ZNF644: variants seen among roughly 807,000 people sequenced by gnomAD.
ZNF644 encodes zinc finger protein 644.
A neutral mutation model predicts 108.0 loss-of-function variants in ZNF644; 20 were observed. The ratio of observed to expected loss-of-function variants is 0.19; its 90% CI spans 0.13 to 0.27. ZNF644 has a LOEUF of 0.27. ZNF644 is among the 10% of genes least tolerant of loss of function. The pLI, the probability that ZNF644 is intolerant of heterozygous loss-of-function variation, is 1.00. For missense variants in ZNF644, 1,338 were observed against 1,548.9 expected (o/e 0.86, Z 2.29); for synonymous variants, 542 against 539.1 (o/e 1.01, Z -0.08).
At chr1:90,995,063 A>G (rs999504742) in intron 1 of ZNF644, among the ~76,000 whole-genome samples, 8 of 152,326 alleles carry the variant, frequency 5.3e-5, no homozygotes, top group Admixed American at 5.2e-4. Flanking sequence ...ATATGCAAAG[A>G]AAGAGGAAAA....
At chr1:90,978,402 T>C (rs1414989889) in intron 2 of ZNF644, among the ~76,000 whole-genome samples, 1 of 149,260 alleles carries the variant, frequency 6.7e-6, no homozygotes, top group Non-Finnish European at 1.5e-5. Flanking sequence ...TACTTGGCAA[T>C]ACAGCTGGAA....
At position 90,954,524 on chromosome 1, in the gene ZNF644, A is replaced by G. The variant is rs556017871; in HGVS notation, c.45-13215T>C. 3.6e-3 allele frequency among the ~76,000 whole-genome samples: 554 copies of G among 152,146 alleles called. 6 individuals carry two copies. Among genetic ancestry groups the G allele is most frequent in the African/African-American group, 0.013 (531 of 41,508 alleles). On this transcript the variant is annotated intron_variant, in intron 2 of 5. Transcript: ENST00000337393. ...CAGGTTCAAGCAATTCTCCTGGCTCAGCCTCCTGAGTATCTGGGATTACAG... is the reference window on the plus strand; with the variant it reads ...CAGGTTCAAGCAATTCTCCTGGCTCGGCCTCCTGAGTATCTGGGATTACAG...
chr1:90,960,482 G>T (rs1654225014), intron 2 of ZNF644, among the ~76,000 whole-genome samples: 1 of 152,124 alleles, frequency 6.6e-6, no homozygotes, highest in Non-Finnish European at 1.5e-5. Flanking sequence ...GTCTTCAAAT[G>T]TACACTCTAT....
At position 91,022,034 on chromosome 1, in the gene ZNF644, G is replaced by A. The variant is rs887246384; in HGVS notation, c.-62C>T. On this transcript the variant is annotated 5_prime_UTR_variant, in exon 1 of 6. Coordinates refer to ENST00000337393, the MANE Select transcript of ZNF644 (RefSeq NM_201269.3). ...CAAACCGGGGCGACGTTGGGAGCAC[G>A]CGGCGTCCCCGCGTCACACGCCGCT... 5.0e-6 allele frequency: 2 copies of A among 398,708 alleles called. No individual in the cohort carries two copies. The highest frequency in any genetic ancestry group is 8.9e-6 in the Non-Finnish European group (2 of 225,948). 24.7% of individuals were successfully genotyped at this position (398,708 alleles called of 1,614,324 possible).
intron 1 of ZNF644, among the ~76,000 whole-genome samples, chr1:90,999,290 C>G (rs895363460): frequency 5.3e-5 from 8 of 152,134 alleles, no homozygotes; most frequent in African/African-American, 7.2e-5. Context: ...GGCAGCCAGA[C>G]AGAAAGGTCA....
chr1:90,974,153 T>C (rs1036930334), intron 2 of ZNF644, among the ~76,000 whole-genome samples: 1 of 151,992 alleles, frequency 6.6e-6, no homozygotes, highest in African/African-American at 2.4e-5. Context: ...CTAATCATAC[T>C]CCTGCATGAC....
chr1:90,927,918 A>G (rs909299618), intron 4 of ZNF644, among the ~76,000 whole-genome samples: 3 of 151,212 alleles, frequency 2.0e-5, no homozygotes, highest in African/African-American at 7.3e-5. Flanking sequence ...ATCTCAGCTC[A>G]CTGCAATCTC....
intron 1 of ZNF644, among the ~76,000 whole-genome samples, chr1:90,999,610 A>T (rs1352797280): frequency 1.3e-5 from 2 of 152,300 alleles, no homozygotes; most frequent in Middle Eastern, 3.4e-3. Flanking sequence ...CCATCGATGC[A>T]AGGAAGAAAC....
At chr1:90,930,861 C>T (rs1467593423) in intron 4 of ZNF644, among the ~76,000 whole-genome samples, 1 of 152,164 alleles carries the variant, frequency 6.6e-6, no homozygotes, top group Non-Finnish European at 1.5e-5. Flanking sequence ...TCTGACAGAT[C>T]TACTTCCTTT....
chr1:90,997,126 C>T (rs932596618), intron 1 of ZNF644, among the ~76,000 whole-genome samples: 2 of 152,170 alleles, frequency 1.3e-5, no homozygotes, highest in East Asian at 3.8e-4. Context: ...AAAGCTCCAA[C>T]ATATTCCTGA....
rs200762360 is a variant in ZNF644, at chr1:90,939,660, T to C, written c.1694A>G (p.Lys565Arg). ...PMVTSDIAQRKTQKKTFMKDS... is the reference protein window; with the variant it reads ...PMVTSDIAQRRTQKKTFMKDS... The stretch of plus-strand genomic sequence containing the variant: ...TTTCATGAAAGTCTTTTTTTGTGTT[T>C]TTCTCTGGGCAATATCAGAAGTGAC... The change falls in exon 3 of 6, where the codon AAA becomes AGA. Residue 565 changes from lysine to arginine, a missense_variant. Physicochemically the swap from Lys to Arg is conservative, Grantham distance 26. Coordinates refer to ENST00000337393, the MANE Select transcript of ZNF644 (RefSeq NM_201269.3). The C allele has an allele frequency of 2.1e-4, 343 of 1,613,920 alleles. No individual in the cohort carries two copies. Among genetic ancestry groups the C allele is most frequent in the Non-Finnish European group, 2.7e-4 (318 of 1,179,954 alleles).
At position 90,993,268 on chromosome 1, in the gene ZNF644, C is replaced by T. The variant is rs533584205; in HGVS notation, c.-17-10898G>A. ...CTTCAGAATGGGAGGGTATCCCAGA[C>T]GTCACAGCACATCCTAGACCAAACT... is the stretch of plus-strand genomic sequence containing the variant. On this transcript the variant is annotated intron_variant, in intron 1 of 5. Coordinates refer to ENST00000337393, the MANE Select transcript of ZNF644 (RefSeq NM_201269.3). Among the ~76,000 whole-genome samples, 10 of 151,860 alleles carry T rather than the reference C, an allele frequency of 6.6e-5. No individual in the cohort carries two copies. The South Asian group carries it at 8.3e-4, about 13-fold the overall frequency.
chr1:91,006,593 C>G (rs1444313641), intron 1 of ZNF644, among the ~76,000 whole-genome samples: 1 of 152,134 alleles, frequency 6.6e-6, no homozygotes, highest in Non-Finnish European at 1.5e-5. Flanking sequence ...AGAAAACTAC[C>G]AACAAATATC....
At chr1:91,012,114 A>T (rs572985235) in intron 1 of ZNF644, among the ~76,000 whole-genome samples, 1 of 152,128 alleles carries the variant, frequency 6.6e-6, no homozygotes, top group African/African-American at 2.4e-5. Flanking sequence ...ACTGGGGGGA[A>T]AAAAGGGCCA....
intron 4 of ZNF644, among the ~76,000 whole-genome samples, chr1:90,928,544 C>T (rs1161390165): frequency 6.7e-6 from 1 of 149,830 alleles, no homozygotes; most frequent in African/African-American, 2.5e-5. Flanking sequence ...GATGGTCTCA[C>T]GCTCCTGACC....
chr1:90,963,971 G>A (rs933596100), intron 2 of ZNF644, among the ~76,000 whole-genome samples: 1 of 152,058 alleles, frequency 6.6e-6, no homozygotes, highest in Non-Finnish European at 1.5e-5. Flanking sequence ...AGCTATATAT[G>A]TGACCCTAGA....
intron 2 of ZNF644, among the ~76,000 whole-genome samples, chr1:90,970,922 C>T (rs1655387201): frequency 6.6e-6 from 1 of 150,780 alleles, no homozygotes; most frequent in Non-Finnish European, 1.5e-5. Context: ...ATCACTTGAA[C>T]CCGGGAGGCG....
chr1:90,938,609 G>T lies in ZNF644; in HGVS notation c.2745C>A (p.Gly915=), dbSNP rs755301766. 8.7e-6 allele frequency: 14 copies of T among 1,611,866 alleles called. No homozygotes were observed. The highest frequency in any genetic ancestry group is 3.3e-4 in the Middle Eastern group (2 of 6,072). ...TATCTTCATAGTATTCAAAATAAAAGCCATCGTTTTGGTCATAACTAAGAG... is the reference window on the plus strand; with the variant it reads ...TATCTTCATAGTATTCAAAATAAAATCCATCGTTTTGGTCATAACTAAGAG... ...NATLSYDQND[G]FYFEYYEDTG... is the part of the protein sequence containing the mutation. The change falls in exon 3 of 6, where the codon GGC becomes GGA. Residue 915 remains glycine (G), a synonymous_variant. Coordinates refer to ENST00000337393, the MANE Select transcript of ZNF644 (RefSeq NM_201269.3). This position sits in a 1 kb window ranked among gnomAD's most constrained non-coding sequence, Gnocchi z 4.2.
intron 1 of ZNF644, among the ~76,000 whole-genome samples, chr1:90,998,012 A>G (rs987388522): frequency 3.3e-5 from 5 of 152,122 alleles, no homozygotes; most frequent in African/African-American, 1.2e-4. Context: ...GGTGCCCACC[A>G]TTGCTGAGGC....
Sources: allele counts gnomAD v4.1 joint callset (sites outside exome capture counted in the v4.1 genomes callset), GRCh38; gene constraint gnomAD v4.1.1; non-coding constraint Gnocchi (gnomAD v3.1); transcripts MANE v1.5; gene names NCBI Gene and HGNC (gene_info 2026-07-23, HGNC 2026-07-21).